The following IFT140 variants were observed in gnomAD, a reference collection of about 807,000 sequenced individuals.
IFT140 encodes intraflagellar transport protein 140 homolog.
In IFT140, 133 loss-of-function variants were observed where a neutral mutation model predicts 164.6. That is an observed-to-expected ratio of 0.81 (90% CI 0.70 to 0.93). The LOEUF (loss-of-function observed/expected upper bound fraction) is 0.93, where lower values mean the gene tolerates loss of function less well. IFT140 is among the 40% of genes least tolerant of loss of function. The pLI, the probability that IFT140 is intolerant of heterozygous loss-of-function variation, is 0.00. For missense variants in IFT140, 2,045 were observed against 1,972.3 expected, an observed-to-expected ratio of 1.04 and a Z score of -0.70; for synonymous variants, 860 against 817.3, an observed-to-expected ratio of 1.05 and a Z score of -0.89.
chr16:1,518,344 C>A lies in IFT140; in HGVS notation c.4054G>T (p.Asp1352Tyr). The change falls in exon 30 of 31, where the codon GAC (aspartate) becomes TAC (tyrosine). Residue 1352 changes from aspartate to tyrosine, a missense_variant. By Grantham distance (160) the Asp-to-Tyr change is radical. Coordinates refer to ENST00000426508, the MANE Select transcript of IFT140 (RefSeq NM_014714.4). Reference protein sequence around the residue: ...FIQARRTYTEDPKESIKQCEL... With the variant: ...FIQARRTYTEYPKESIKQCEL... ...CACTGCTTGATGGACTCCTTGGGGT[C>A]CTCTGTGTACGTCCTGCCGAGAGCA... 6.2e-7 allele frequency: 1 copy of A among 1,613,930 alleles called. No homozygotes were observed. Among genetic ancestry groups the A allele is most frequent in the South Asian group, 1.1e-5 (1 of 91,074 alleles).
chr16:1,586,431 C>G (rs902879022), intron 9 of IFT140, among the ~76,000 whole-genome samples, 156 bp from the exon 10 acceptor site: 1 of 152,100 alleles, frequency 6.6e-6, no homozygotes, highest in Non-Finnish European at 1.5e-5. Flanking sequence ...TGCCCAGGTC[C>G]TTGCTGCCCT....
In IFT140 at chr16:1,553,068, A is replaced by T. The variant is rs563028616; in HGVS notation, c.2399+4867T>A. 146 of 985,484 alleles carry T rather than the reference A, an allele frequency of 1.5e-4. No individual in the cohort carries two copies. The African/African-American group carries it at 2.4e-3, about 16-fold the overall frequency. The allele number at this position is 985,484 out of a possible 1,614,324, so 61.0% of individuals were successfully genotyped here. A position where few individuals can be genotyped will look rare whatever the true frequency, so the allele number is the denominator to read the frequency against. The stretch of plus-strand genomic sequence containing the variant: ...CCAGTCACTGTCATTGTTCAGGACA[A>T]AATGGAGATAGATAAATGCTTAATT... On this transcript the variant is annotated intron_variant, in intron 19 of 30. Transcript: ENST00000426508. This position sits in a 1 kb window ranked among gnomAD's most constrained non-coding sequence, Gnocchi z 4.4.
chr16:1,516,419 T>A (rs992727757), intron 30 of IFT140, among the ~76,000 whole-genome samples: 2 of 151,920 alleles, frequency 1.3e-5, no homozygotes, highest in Non-Finnish European at 2.9e-5. Context: ...ACACTAGAAA[T>A]ACAATGCAAA....
intron 19 of IFT140, among the ~76,000 whole-genome samples, chr16:1,536,656 G>A (rs750687483): frequency 6.6e-6 from 1 of 152,096 alleles, no homozygotes; most frequent in Non-Finnish European, 1.5e-5. Context: ...TGTCACCCAG[G>A]CTGGAGTGCA....
chr16:1,525,592 G>A lies in IFT140; in HGVS notation c.2769-266C>T, dbSNP rs1388601895. ...GCTCCTCCTCTGGAGAGGGTGACAT[G>A]GGGTTTGTCTGTCCTCAGGAGACAT... On this transcript the variant is annotated intron_variant, in intron 21 of 30. Coordinates refer to ENST00000426508, the MANE Select transcript of IFT140 (RefSeq NM_014714.4). Among the ~76,000 whole-genome samples the A allele has an allele frequency of 3.3e-5, 5 of 152,214 alleles. No homozygotes were observed. In the South Asian group the frequency reaches 6.2e-4, roughly 19 times the overall value.
intron 19 of IFT140, among the ~76,000 whole-genome samples, chr16:1,537,809 C>A (rs766523066): frequency 3.9e-5 from 6 of 152,190 alleles, no homozygotes; most frequent in Non-Finnish European, 8.8e-5. Context: ...CAGAGCCTGG[C>A]GCTAGCTGAG....
intron 19 of IFT140, 192 bp downstream of exon 19, chr16:1,557,743 G>C (rs1385503689): frequency 4.9e-6 from 3 of 612,816 alleles, no homozygotes; most frequent in African/African-American, 1.8e-5. Context: ...GCACCAGAGA[G>C]GCTGAGAGCT....
chr16:1,605,896 G>A lies in IFT140; in HGVS notation c.147+1224C>T, dbSNP rs150867386. On this transcript the variant is annotated intron_variant, in intron 3 of 30. Transcript: ENST00000426508. ...TCTTTGCAGATGTGGGTAAGCTCAG[G>A]TGAGGTCATTAGAGCAGGCCCTAGT... Among the ~76,000 whole-genome samples, 413 of 152,364 alleles carry A rather than the reference G, an allele frequency of 2.7e-3. 3 individuals are homozygous for A. Among genetic ancestry groups the A allele is most frequent in the African/African-American group, 8.8e-3 (367 of 41,584 alleles).
chr16:1,521,827 C>T (rs1567325044), intron 26 of IFT140, among the ~76,000 whole-genome samples: 1 of 150,786 alleles, frequency 6.6e-6, no homozygotes, highest in Non-Finnish European at 1.5e-5. Flanking sequence ...TTGAGACCAG[C>T]CTGGGCAACA....
chr16:1,542,348 G>A (rs1474060507), intron 19 of IFT140, among the ~76,000 whole-genome samples: 2 of 152,262 alleles, frequency 1.3e-5, no homozygotes, highest in Admixed American at 6.5e-5. Flanking sequence ...TTTAAAGGCT[G>A]AGGCACTTTG....
chr16:1,567,690 A>G (rs2033793692), intron 15 of IFT140, among the ~76,000 whole-genome samples: 1 of 152,196 alleles, frequency 6.6e-6, no homozygotes, highest in African/African-American at 2.4e-5. Flanking sequence ...GGGAACCCGC[A>G]CCAGCGGAAG....
At chr16:1,601,276 AAAAG>A (rs1237273633) in intron 4 of IFT140, among the ~76,000 whole-genome samples, 2 of 152,124 alleles carry the variant, frequency 1.3e-5, no homozygotes, top group African/African-American at 2.4e-5. Flanking sequence ...AAAAAAAAAA[AAAAG>A]AGAGAGACTA....
At position 1,525,287 on chromosome 16, in the gene IFT140, C is replaced by T; in HGVS notation, c.2808G>A (p.Arg936=). 6.2e-7 allele frequency: 1 copy of T among 1,612,970 alleles called. No homozygotes were observed. Among genetic ancestry groups the T allele is most frequent in the Non-Finnish European group, 8.5e-7 (1 of 1,179,964 alleles). Residue 936 remains arginine (R), a synonymous_variant, in exon 22 of 31, where the codon AGG becomes AGA. Coordinates refer to ENST00000426508, the MANE Select transcript of IFT140 (RefSeq NM_014714.4). ...KSDTHRFEVP[R]MLSEDLPSLE... Reference sequence around the variant, plus strand: ...GGGACGGCAGGTCCTCCGACAGCATCCTGGGCACCTCGAAGCGGTGCGTGT... The same window carrying T: ...GGGACGGCAGGTCCTCCGACAGCATTCTGGGCACCTCGAAGCGGTGCGTGT...
intron 30 of IFT140, among the ~76,000 whole-genome samples, chr16:1,512,807 C>T (rs1368942870): frequency 6.6e-6 from 1 of 152,070 alleles, no homozygotes; most frequent in Admixed American, 6.5e-5. Context: ...AACCAAGCAA[C>T]AACAAAAAAG....
intron 4 of IFT140, among the ~76,000 whole-genome samples, chr16:1,596,110 G>A (rs1397926906): frequency 6.6e-6 from 1 of 152,076 alleles, no homozygotes; most frequent in African/African-American, 2.4e-5. Context: ...TTTGTGTTTA[G>A]TAATTTTTAA....
chr16:1,535,994 G>A (rs2076503241), intron 19 of IFT140, among the ~76,000 whole-genome samples: 1 of 152,260 alleles, frequency 6.6e-6, no homozygotes, highest in African/African-American at 2.4e-5. Flanking sequence ...CCGTTACTGT[G>A]CTGAACCTCT....
chr16:1,542,255 G>C (rs1477196404), intron 19 of IFT140, among the ~76,000 whole-genome samples: 1 of 152,258 alleles, frequency 6.6e-6, no homozygotes, highest in South Asian at 2.1e-4. Context: ...CTGTAGGCAA[G>C]AATGATGAAA....
intron 27 of IFT140, 74 bp from the exon 28 acceptor site, chr16:1,520,417 G>A: frequency 1.3e-6 from 2 of 1,512,532 alleles, no homozygotes; most frequent in South Asian, 1.1e-5. Context: ...CCGAGCAGGA[G>A]CTCTCACAAG....
chr16:1,562,802 T>C (rs1471034119), intron 17 of IFT140, among the ~76,000 whole-genome samples: 1 of 151,622 alleles, frequency 6.6e-6, no homozygotes, highest in Non-Finnish European at 1.5e-5. Flanking sequence ...AAATCAACAG[T>C]GGCACCACCA....
Sources: gnomAD v4.1 joint callset for allele counts (sites outside exome capture counted in the v4.1 genomes callset) on GRCh38, gnomAD v4.1.1 for gene constraint, Gnocchi (gnomAD v3.1) non-coding constraint, MANE v1.5 for transcripts, NCBI Gene and HGNC (gene_info 2026-07-23, HGNC 2026-07-21) for gene names.